NREP: variants seen among roughly 807,000 people sequenced by gnomAD.
The protein encoded by NREP is neuronal regeneration related protein, also known as neuronal regeneration-related protein.
Under a neutral mutation model 8.6 loss-of-function variants are expected in NREP, and 5 were observed. That is an observed-to-expected ratio of 0.58 (90% CI 0.30 to 1.22). NREP has a LOEUF of 1.22. Ranked by LOEUF, NREP falls within the 50% of genes most tolerant of loss-of-function variation. NREP has a pLI of 0.07. For missense variants in NREP, 86 were observed against 82.5 expected (o/e 1.04, Z -0.17); for synonymous variants, 27 against 28.0 (o/e 0.96, Z 0.11).
intron 2 of NREP, among the ~76,000 whole-genome samples, chr5:111,936,214 T>C (rs957822417): frequency 6.6e-6 from 1 of 152,060 alleles, no homozygotes; most frequent in African/African-American, 2.4e-5. Context: ...CCCATAATTT[T>C]GTGTTGAGGG....
chr5:111,944,254 C>T (rs150848515), intron 2 of NREP, among the ~76,000 whole-genome samples: 174 of 152,098 alleles, frequency 1.1e-3, no homozygotes, highest in African/African-American at 4.0e-3. Flanking sequence ...TCCTACTTTT[C>T]GAACTTTGAC....
intron 3 of NREP, chr5:111,732,055 G>A (rs1285925328): frequency 6.6e-6 from 1 of 151,766 alleles, no homozygotes; most frequent in African/African-American, 2.4e-5. Context: ...TTTCTTGGAA[G>A]AAATTATCCT....
At chr5:111,759,434 T>TA (rs1694340529), upstream of NREP, among the ~76,000 whole-genome samples, 1 of 151,526 alleles carries the variant, frequency 6.6e-6, no homozygotes, top group African/African-American at 2.4e-5. Flanking sequence ...TTTTTTTTTT[T>TA]AAGAAATGGA....
intron 2 of NREP, among the ~76,000 whole-genome samples, chr5:111,845,461 C>A (rs1753139632): frequency 6.6e-6 from 1 of 152,074 alleles, no homozygotes; most frequent in Non-Finnish European, 1.5e-5. Flanking sequence ...ATATTTGTTA[C>A]TTTCATAATT....
intron 2 of NREP, among the ~76,000 whole-genome samples, chr5:111,879,413 A>T (rs1753991909): frequency 6.6e-6 from 1 of 152,236 alleles, no homozygotes; most frequent in South Asian, 2.1e-4. Flanking sequence ...TAGTTTAACA[A>T]AATATATAAG....
chr5:111,915,944 T>A (rs1345001870), intron 2 of NREP, among the ~76,000 whole-genome samples: 1 of 152,072 alleles, frequency 6.6e-6, no homozygotes, highest in East Asian at 1.9e-4. Context: ...TCATCCACGA[T>A]CACCTTGTTG....
chr5:111,756,311 A>AAACCCTAC, intron 1 of NREP: 1 of 299,002 alleles, frequency 3.3e-6, no homozygotes, highest in Non-Finnish European at 4.5e-6. Flanking sequence ...AAAAAAAAAA[A>AAACCCTAC]ACCCTACACG....
intron 2 of NREP, among the ~76,000 whole-genome samples, chr5:111,791,727 C>A (rs1751751880): frequency 6.6e-6 from 1 of 152,224 alleles, no homozygotes; most frequent in South Asian, 2.1e-4. Context: ...CCTGCCTCCG[C>A]CTCCCAAAGT....
chr5:111,962,379 C>T (rs973675940), intron 2 of NREP, among the ~76,000 whole-genome samples: 5 of 152,010 alleles, frequency 3.3e-5, no homozygotes, highest in African/African-American at 1.2e-4. Flanking sequence ...CAATCCCAAA[C>T]CCCCATTCAT....
At chr5:111,761,875 A>C (rs1390218410), upstream of NREP, among the ~76,000 whole-genome samples, 1 of 152,262 alleles carries the variant, frequency 6.6e-6, no homozygotes, top group Non-Finnish European at 1.5e-5. Flanking sequence ...TTTCATGCTT[A>C]AGAAATGTGA....
chr5:111,750,744 G>C (rs777257148), intron 2 of NREP, among the ~76,000 whole-genome samples: 3 of 152,198 alleles, frequency 2.0e-5, no homozygotes, highest in Admixed American at 6.5e-5. Context: ...TGGGAGTAAA[G>C]CTCCTCTTGG....
intron 2 of NREP, among the ~76,000 whole-genome samples, chr5:111,768,323 T>A (rs1206414089): frequency 3.3e-5 from 5 of 152,186 alleles, no homozygotes; most frequent in African/African-American, 1.2e-4. Flanking sequence ...TGGAAGCACA[T>A]CTTGCTTTTG....
chr5:111,832,341 A>C (rs1464202398), intron 2 of NREP, among the ~76,000 whole-genome samples: 1 of 152,122 alleles, frequency 6.6e-6, no homozygotes, highest in Non-Finnish European at 1.5e-5. Flanking sequence ...AATATGGCGA[A>C]ACCCCACCTT....
At chr5:111,768,364 T>C (rs1305444527) in intron 2 of NREP, among the ~76,000 whole-genome samples, 2 of 152,214 alleles carry the variant, frequency 1.3e-5, no homozygotes, top group Admixed American at 6.5e-5. Context: ...GCTTTTATTA[T>C]AATTTCAACT....
chr5:111,773,298 A>G lies in NREP; in HGVS notation c.136-37791T>C, dbSNP rs144799430. Among the ~76,000 whole-genome samples, 768 of 152,312 alleles carry G rather than the reference A, an allele frequency of 5.0e-3. 4 individuals are homozygous for G. The highest frequency in any genetic ancestry group is 6.1e-3 in the Non-Finnish European group (412 of 68,020). The stretch of plus-strand genomic sequence containing the variant: ...TTAGGAGGGAGAGAGAATCATAAAC[A>G]TACATAAAAACTAATAAACACCTAC... On this transcript the variant is annotated intron_variant, in intron 2 of 3. Coordinates refer to the NREP transcript ENST00000395634.
chr5:111,881,396 G>A (rs1754063664), intron 2 of NREP, among the ~76,000 whole-genome samples: 1 of 152,184 alleles, frequency 6.6e-6, no homozygotes, highest in Admixed American at 6.5e-5. Context: ...ACCTCTGGGG[G>A]GCAGGGCACA....
At position 111,893,382 on chromosome 5, in the gene NREP, A is replaced by G. The variant is rs547661815; in HGVS notation, c.135+81892T>C. Among the ~76,000 whole-genome samples, 426 of 152,208 alleles carry G rather than the reference A, an allele frequency of 2.8e-3. 4 individuals carry two copies. The highest frequency in any genetic ancestry group is 0.014 in the South Asian group (66 of 4,816). ...ATAGTGCAGTTATTTCATCTATTAGACAAAATAGGTAAATTCTTACAGCTT... is the reference window on the plus strand; with the variant it reads ...ATAGTGCAGTTATTTCATCTATTAGGCAAAATAGGTAAATTCTTACAGCTT... On this transcript the variant is annotated intron_variant, in intron 2 of 3. Transcript: ENST00000395634.
At chr5:111,759,089 G>C (rs1750895043), upstream of NREP, among the ~76,000 whole-genome samples, 1 of 152,202 alleles carries the variant, frequency 6.6e-6, no homozygotes. Flanking sequence ...GGAAGTACTG[G>C]AAGGAAGGTG....
intron 3 of NREP, chr5:111,733,496 C>T (rs1748803936): frequency 6.6e-6 from 1 of 150,850 alleles, no homozygotes; most frequent in African/African-American, 2.5e-5. Flanking sequence ...CACACCCTCC[C>T]ACTATTTTTT....
Sources: allele counts gnomAD v4.1 joint callset (sites outside exome capture counted in the v4.1 genomes callset), GRCh38; gene constraint gnomAD v4.1.1; transcripts MANE v1.5; gene names NCBI Gene and HGNC (gene_info 2026-07-23, HGNC 2026-07-21).